SGCZ: variants seen among roughly 807,000 people sequenced by gnomAD.
SGCZ encodes the protein sarcoglycan zeta, also known as zeta-sarcoglycan.
SGCZ carries 40 observed loss-of-function variants against 41.3 expected under a neutral mutation model. The observed-to-expected ratio is 0.97, with a 90% CI of 0.75 to 1.26. The LOEUF (loss-of-function observed/expected upper bound fraction) is 1.26, where lower values mean the gene tolerates loss of function less well. Among genes scored for constraint, SGCZ ranks in the 50% most tolerant of loss-of-function variants. SGCZ has a pLI of 0.00. For missense variants in SGCZ, 552 were observed against 369.8 expected (o/e 1.49, Z -4.04); for synonymous variants, 206 against 137.5 (o/e 1.50, Z -3.49).
At chr8:15,182,558 A>C (rs972565926) in intron 1 of SGCZ, among the ~76,000 whole-genome samples, 1 of 152,190 alleles carries the variant, frequency 6.6e-6, no homozygotes, top group African/African-American at 2.4e-5. Context: ...GTACAGTAAA[A>C]ATACAGCATA....
intron 5 of SGCZ, among the ~76,000 whole-genome samples, chr8:14,164,216 T>A (rs1804135970): frequency 6.6e-6 from 1 of 152,146 alleles, no homozygotes; most frequent in Non-Finnish European, 1.5e-5. Flanking sequence ...AAGTTAAAAT[T>A]TCCATTTTAG....
At chr8:14,656,906 C>A (rs141798601) in intron 1 of SGCZ, among the ~76,000 whole-genome samples, 2 of 151,596 alleles carry the variant, frequency 1.3e-5, no homozygotes, top group African/African-American at 4.9e-5. Flanking sequence ...TATATAAATA[C>A]TTTAAAAATT....
At chr8:14,853,480 C>G (rs1439577990) in intron 1 of SGCZ, 1 of 533,152 alleles carries the variant, frequency 1.9e-6, no homozygotes, top group African/African-American at 1.9e-5. Context: ...AATATCCACC[C>G]AAAGCCACAA....
intron 2 of SGCZ, among the ~76,000 whole-genome samples, chr8:14,384,277 C>G (rs1393901079): frequency 2.6e-5 from 4 of 152,134 alleles, no homozygotes; most frequent in Non-Finnish European, 5.9e-5. Context: ...CATCCATGTC[C>G]CTACAAAGGA....
chr8:14,317,593 A>G (rs1801761040), intron 3 of SGCZ, among the ~76,000 whole-genome samples: 1 of 152,034 alleles, frequency 6.6e-6, no homozygotes, highest in South Asian at 2.1e-4. Flanking sequence ...CAATAAAAAC[A>G]TTAAATGACT....
At chr8:14,507,383 T>G (rs1349507449) in intron 2 of SGCZ, among the ~76,000 whole-genome samples, 1 of 152,146 alleles carries the variant, frequency 6.6e-6, no homozygotes, top group Admixed American at 6.6e-5. Flanking sequence ...AATACATCCC[T>G]TTTCTTTCTC....
chr8:14,916,100 C>T (rs1249013348), intron 1 of SGCZ, among the ~76,000 whole-genome samples: 1 of 152,104 alleles, frequency 6.6e-6, no homozygotes. Context: ...GTAGTACCAC[C>T]TATATAAGAA....
At chr8:14,751,948 AAC>A (rs1416621072) in intron 1 of SGCZ, among the ~76,000 whole-genome samples, 29 of 140,612 alleles carry the variant, frequency 2.1e-4, no homozygotes, top group African/African-American at 7.8e-4. Context: ...AACAAAAACA[AAC>A]AAAAAAAAAA....
intron 1 of SGCZ, among the ~76,000 whole-genome samples, chr8:14,648,122 C>T (rs1393435202): frequency 1.3e-5 from 2 of 151,988 alleles, no homozygotes; most frequent in African/African-American, 4.8e-5. Flanking sequence ...GCACCACCTC[C>T]TTAAAAGTTA....
At chr8:14,278,194 G>T (rs769071944) in intron 3 of SGCZ, among the ~76,000 whole-genome samples, 4 of 152,008 alleles carry the variant, frequency 2.6e-5, no homozygotes, top group Non-Finnish European at 1.5e-5. Context: ...ATTGCCTACA[G>T]TCCCACATAT....
chr8:15,068,455 G>C (rs1805231231), intron 1 of SGCZ, among the ~76,000 whole-genome samples: 1 of 152,168 alleles, frequency 6.6e-6, no homozygotes, highest in Non-Finnish European at 1.5e-5. Context: ...AAATTCATTT[G>C]TCATCCTGAC....
intron 2 of SGCZ, among the ~76,000 whole-genome samples, chr8:14,457,147 G>T (rs940917055): frequency 1.3e-5 from 2 of 152,212 alleles, no homozygotes; most frequent in Admixed American, 1.3e-4. Flanking sequence ...TTAATCATTA[G>T]TTTGTAGCAA....
chr8:14,599,301 T>C (rs1470407116), intron 1 of SGCZ, among the ~76,000 whole-genome samples: 1 of 152,204 alleles, frequency 6.6e-6, no homozygotes, highest in Non-Finnish European at 1.5e-5. Flanking sequence ...ATCAGTACCT[T>C]GTATACATTT....
intron 2 of SGCZ, among the ~76,000 whole-genome samples, chr8:14,502,431 C>A (rs568990176): frequency 5.9e-5 from 9 of 152,010 alleles, no homozygotes; most frequent in Non-Finnish European, 1.2e-4. Flanking sequence ...ATCTACAATA[C>A]AACTTCACTT....
intron 1 of SGCZ, among the ~76,000 whole-genome samples, chr8:14,731,262 A>T (rs1183813752): frequency 6.7e-6 from 1 of 149,484 alleles, no homozygotes; most frequent in Non-Finnish European, 1.5e-5. Context: ...GGAAACCATC[A>T]TTCTCAGCAA....
chr8:14,377,614 G>A (rs1398253569), intron 2 of SGCZ, among the ~76,000 whole-genome samples: 1 of 151,382 alleles, frequency 6.6e-6, no homozygotes, highest in African/African-American at 2.4e-5. Context: ...GTGCCATGCT[G>A]GTGTGCTGCA....
intron 3 of SGCZ, among the ~76,000 whole-genome samples, chr8:14,302,621 C>A (rs1040855697): frequency 6.6e-6 from 1 of 152,080 alleles, no homozygotes; most frequent in Admixed American, 6.6e-5. Flanking sequence ...TCATCTGCCC[C>A]TCTACCTTTA....
chr8:14,721,650 T>C (rs1332931047), intron 1 of SGCZ, among the ~76,000 whole-genome samples: 1 of 152,226 alleles, frequency 6.6e-6, no homozygotes, highest in Non-Finnish European at 1.5e-5. Flanking sequence ...GATGGTTTTA[T>C]AATTTGTCAC....
intron 1 of SGCZ, among the ~76,000 whole-genome samples, chr8:14,845,585 T>C (rs1803072090): frequency 6.6e-6 from 1 of 152,132 alleles, no homozygotes; most frequent in African/African-American, 2.4e-5. Context: ...GAAACACGAA[T>C]ACAGTCATTT....
Sources: gnomAD v4.1 joint callset for allele counts (sites outside exome capture counted in the v4.1 genomes callset) on GRCh38, gnomAD v4.1.1 for gene constraint, MANE v1.5 for transcripts, NCBI Gene and HGNC (gene_info 2026-07-23, HGNC 2026-07-21) for gene names.